MAPK14: variants seen among roughly 807,000 people sequenced by gnomAD.
MAPK14 encodes mitogen-activated protein kinase 14.
Under a neutral mutation model 49.6 loss-of-function variants are expected in MAPK14, and 16 were observed. The observed-to-expected ratio is 0.32, with a 90% CI of 0.22 to 0.49. The LOEUF is 0.49. MAPK14 is among the 20% of genes least tolerant of loss of function. The probability of loss-of-function intolerance (pLI) is 0.99; values close to 1 mark genes in which losing one functional copy is unlikely to be tolerated. For synonymous variants in MAPK14, 142 were observed against 158.0 expected (o/e 0.90, Z 0.76); for missense variants, 200 against 441.2 (o/e 0.45, Z 4.90).
At position 36,110,455 on chromosome 6, in the gene MAPK14, G is replaced by A. The variant is rs192960587; in HGVS notation, c.*2008G>A. The A allele has an allele frequency of 1.6e-3, 238 of 152,790 alleles. 1 individual carries two copies. Among genetic ancestry groups the A allele is most frequent in the Admixed American group, 2.9e-3 (45 of 15,306 alleles). 9.5% of individuals were successfully genotyped at this position (152,790 alleles called of 1,614,324 possible). ...CAGCCATGTTTGGTTGTAAATGCTCGTGTGATTTCCTACAGAAATACTGCT... is the reference window on the plus strand; with the variant it reads ...CAGCCATGTTTGGTTGTAAATGCTCATGTGATTTCCTACAGAAATACTGCT... On this transcript the variant is annotated 3_prime_UTR_variant, in exon 12 of 12. Coordinates refer to ENST00000229794, the MANE Select transcript of MAPK14 (RefSeq NM_139012.3).
At chr6:36,052,549 G>A (rs1763442697) in intron 1 of MAPK14, 150 bp from the exon 2 acceptor site, 1 of 535,828 alleles carries the variant, frequency 1.9e-6, no homozygotes, top group Non-Finnish European at 3.0e-6. Flanking sequence ...TTTGGATAAT[G>A]GGATAATAGG....
chr6:36,094,413 A>G (rs1765368630), intron 8 of MAPK14, among the ~76,000 whole-genome samples: 1 of 152,240 alleles, frequency 6.6e-6, no homozygotes, highest in Non-Finnish European at 1.5e-5. Context: ...ATGAATGGGC[A>G]TGGCTGTGTT....
the MAPK14 span, among the ~76,000 whole-genome samples, chr6:36,119,565 T>C: frequency 6.6e-6 from 1 of 152,170 alleles, no homozygotes; most frequent in Non-Finnish European, 1.5e-5. Context: ...ATTCATGCAA[T>C]GAAATATTAA....
chr6:36,097,856 C>G (rs1348093071), intron 9 of MAPK14: 2 of 151,560 alleles, frequency 1.3e-5, no homozygotes, highest in Non-Finnish European at 2.9e-5. Context: ...AATTGAGTAC[C>G]AGAATACAGA....
At chr6:36,031,102 C>A (rs1387517773) in intron 1 of MAPK14, among the ~76,000 whole-genome samples, 1 of 152,228 alleles carries the variant, frequency 6.6e-6, no homozygotes, top group Non-Finnish European at 1.5e-5. Flanking sequence ...GCAACTTCCA[C>A]CTCCTGGGTT....
chr6:36,055,170 T>G (rs1467633681), intron 2 of MAPK14, among the ~76,000 whole-genome samples: 1 of 152,230 alleles, frequency 6.6e-6, no homozygotes, highest in Non-Finnish European at 1.5e-5. Context: ...AAGGAAAGAT[T>G]AAAGGGAGGC....
the MAPK14 span, among the ~76,000 whole-genome samples, chr6:36,122,683 C>T: frequency 6.6e-6 from 1 of 152,188 alleles, no homozygotes; most frequent in Non-Finnish European, 1.5e-5. Context: ...TCAGGGGGAC[C>T]TCGGAGGAGG....
chr6:36,045,808 C>CAAAAAAAAAAAAAAAAAAA (rs371920281), intron 1 of MAPK14, among the ~76,000 whole-genome samples: 1 of 46,386 alleles, frequency 2.2e-5, no homozygotes, highest in Non-Finnish European at 4.6e-5. Context: ...GACTCTGTCT[C>CAAAAAAAAAAAAAAAAAAA]AAAAAAAAAA....
At chr6:36,076,357 C>T (rs1227572980) in intron 7 of MAPK14, among the ~76,000 whole-genome samples, 180 bp from the exon 8 acceptor site, 1 of 152,054 alleles carries the variant, frequency 6.6e-6, no homozygotes, top group Non-Finnish European at 1.5e-5. Context: ...TTTGAACAGC[C>T]CTTTAGTCAG....
At chr6:36,079,028 A>G (rs1391088637) in intron 8 of MAPK14, among the ~76,000 whole-genome samples, 1 of 152,232 alleles carries the variant, frequency 6.6e-6, no homozygotes, top group African/African-American at 2.4e-5. Flanking sequence ...GTTTGCAGCT[A>G]GTGTTGAGTA....
At chr6:36,036,078 G>T (rs1489751086) in intron 1 of MAPK14, among the ~76,000 whole-genome samples, 2 of 151,920 alleles carry the variant, frequency 1.3e-5, no homozygotes, top group Non-Finnish European at 2.9e-5. Flanking sequence ...ACAAAAATTT[G>T]TTTTTTATAT....
intron 1 of MAPK14, among the ~76,000 whole-genome samples, chr6:36,051,438 C>T (rs566111827): frequency 5.3e-5 from 8 of 152,234 alleles, no homozygotes; most frequent in South Asian, 2.1e-4. Context: ...AAATACACAT[C>T]GCATTTTTGC....
downstream of MAPK14, among the ~76,000 whole-genome samples, chr6:36,112,201 G>C (rs1439062117): frequency 1.4e-5 from 2 of 140,104 alleles, no homozygotes; most frequent in African/African-American, 5.4e-5. Context: ...GTGAGACTCC[G>C]TCTCAAAAAA....
At chr6:36,096,214 A>AGT (rs1765440650) in intron 9 of MAPK14, 148 bp downstream of exon 9, 18 of 608,072 alleles carry the variant, frequency 3.0e-5, no homozygotes, top group South Asian at 1.8e-4. Context: ...AGACAGTGTG[A>AGT]GTGTGTGTGT....
chr6:36,076,061 T>A, intron 7 of MAPK14, 99 bp downstream of exon 7: 19 of 1,230,804 alleles, frequency 1.5e-5, no homozygotes, highest in Non-Finnish European at 2.2e-5. Context: ...AAGAAATGTC[T>A]TTTCTTCCCT....
Position 36,052,684 on chromosome 6 carries a change from C to CT in MAPK14, c.117-9dup. 6.3e-7 allele frequency: 1 copy of CT among 1,579,210 alleles called. No homozygotes were observed. Among genetic ancestry groups the CT allele is most frequent in the Non-Finnish European group, 8.6e-7 (1 of 1,166,850 alleles). ...AGCTTTTTAATGGTGGGTTTTTTCC[C>CT]TTTTTTCTCCTTAGTGCTGCTTTTG... On this transcript the variant is annotated splice_polypyrimidine_tract_variant and intron_variant, in intron 1 of 11. Coordinates refer to ENST00000229794, the MANE Select transcript of MAPK14 (RefSeq NM_139012.3).
intron 1 of MAPK14, among the ~76,000 whole-genome samples, chr6:36,043,852 C>T (rs1465763926): frequency 7.2e-6 from 1 of 139,308 alleles, no homozygotes; most frequent in African/African-American, 2.7e-5. Flanking sequence ...CTCTTGTTGC[C>T]CAGGCTGGAG....
chr6:36,083,422 C>T (rs76703794), intron 8 of MAPK14, among the ~76,000 whole-genome samples: 21,759 of 152,160 alleles, frequency 0.14, 1,913 homozygotes, highest in African/African-American at 0.26. Flanking sequence ...CTTGGTAGCC[C>T]TTTGGCTGGA....
intron 1 of MAPK14, among the ~76,000 whole-genome samples, chr6:36,047,811 C>T (rs1052363567): frequency 6.6e-6 from 1 of 151,594 alleles, no homozygotes; most frequent in Admixed American, 6.6e-5. Flanking sequence ...TCTCAGCTCA[C>T]TGCAACCTCC....
Sources: gnomAD v4.1 joint callset for allele counts (sites outside exome capture counted in the v4.1 genomes callset) on GRCh38, gnomAD v4.1.1 for gene constraint, MANE v1.5 for transcripts, NCBI Gene and HGNC (gene_info 2026-07-23, HGNC 2026-07-21) for gene names.